The following ZPBP variants were observed in gnomAD, a reference collection of about 807,000 sequenced individuals.
The protein encoded by ZPBP is zona pellucida binding protein.
Under a neutral mutation model 44.8 loss-of-function variants are expected in ZPBP, and 26 were observed. The observed-to-expected ratio is 0.58, with a 90% CI of 0.43 to 0.81. The LOEUF (loss-of-function observed/expected upper bound fraction) is 0.81, where lower values mean the gene tolerates loss of function less well. Among genes scored for constraint, ZPBP ranks in the 30% least tolerant of loss-of-function variants. The pLI is 0.00. For missense variants in ZPBP, 409 were observed against 434.0 expected, an observed-to-expected ratio of 0.94 and a Z score of 0.51; for synonymous variants, 174 against 153.2, an observed-to-expected ratio of 1.14 and a Z score of -1.00.
At chr7:50,046,909 T>A (rs866621058) in intron 4 of ZPBP, among the ~76,000 whole-genome samples, 5 of 152,140 alleles carry the variant, frequency 3.3e-5, no homozygotes, top group Non-Finnish European at 5.9e-5. Flanking sequence ...TGACCATCAA[T>A]GATAGGCTAG....
intron 2 of ZPBP, among the ~76,000 whole-genome samples, chr7:49,863,959 T>C (rs962213065): frequency 6.6e-6 from 1 of 152,196 alleles, no homozygotes; most frequent in African/African-American, 2.4e-5. Context: ...AAAATATTTT[T>C]TCTTTATTTT....
intron 2 of ZPBP, among the ~76,000 whole-genome samples, chr7:50,087,337 C>T (rs990094763): frequency 6.6e-6 from 1 of 151,948 alleles, no homozygotes; most frequent in Non-Finnish European, 1.5e-5. Context: ...TGGAATTTAT[C>T]CCAGGAATGC....
intron 3 of ZPBP, among the ~76,000 whole-genome samples, chr7:50,069,691 G>A (rs1343376093): frequency 6.6e-6 from 1 of 151,952 alleles, no homozygotes; most frequent in African/African-American, 2.4e-5. Context: ...CAAAAGGGTT[G>A]GTTTTGATGC....
the ZPBP span, among the ~76,000 whole-genome samples, chr7:49,843,176 ACTT>A: frequency 6.6e-6 from 1 of 152,140 alleles, no homozygotes; most frequent in Non-Finnish European, 1.5e-5. Flanking sequence ...TTTTCTGTGA[ACTT>A]CTTGCTTACT....
At chr7:50,045,528 A>C (rs1800309745) in intron 4 of ZPBP, among the ~76,000 whole-genome samples, 2 of 152,228 alleles carry the variant, frequency 1.3e-5, no homozygotes, top group Non-Finnish European at 2.9e-5. Flanking sequence ...CCAAATCATG[A>C]GTAAAATCCC....
chr7:50,026,585 T>C (rs1799345846), intron 5 of ZPBP, among the ~76,000 whole-genome samples: 1 of 151,862 alleles, frequency 6.6e-6, no homozygotes, highest in South Asian at 2.1e-4. Context: ...TTCCATAATC[T>C]GAGAAACAAA....
intron 7 of ZPBP, among the ~76,000 whole-genome samples, chr7:49,978,356 TA>T (rs1274878083): frequency 1.3e-5 from 2 of 151,908 alleles, no homozygotes; most frequent in East Asian, 3.8e-4. Flanking sequence ...TAAGGAATGG[TA>T]AATGTCAAAT....
chr7:49,896,348 G>C (rs774237081), intron 2 of ZPBP, among the ~76,000 whole-genome samples: 2 of 152,036 alleles, frequency 1.3e-5, no homozygotes, highest in Non-Finnish European at 2.9e-5. Context: ...TTCAAAAAAA[G>C]GAAAGTATAA....
intron 4 of ZPBP, among the ~76,000 whole-genome samples, chr7:50,037,821 C>T (rs1011453261): frequency 2.0e-5 from 3 of 152,156 alleles, no homozygotes; most frequent in African/African-American, 7.2e-5. Flanking sequence ...CAGATTTCTA[C>T]AGCCTAACAC....
rs36066373 is a variant in ZPBP, at chr7:49,896,881, ATTTTT to A, written n.509+4232_509+4236del. Among the ~76,000 whole-genome samples the A allele has an allele frequency of 4.3e-4, 41 of 95,040 alleles. 1 individual carries two copies. In the South Asian group the frequency reaches 7.4e-3, roughly 17 times the overall value. The allele number at this position is 95,040 out of a possible 152,430, so 62.3% of individuals were successfully genotyped here. On this transcript the variant is annotated intron_variant and non_coding_transcript_variant, in intron 2 of 2. Transcript: ENST00000465922. ...AACTATTAAGAAAATTGGATTGATAATTTTTTTTTTTTTTTTTTTTTTTTTGAGAC... is the reference window on the plus strand; with the variant it reads ...AACTATTAAGAAAATTGGATTGATAATTTTTTTTTTTTTTTTTTTTGAGAC...
At chr7:50,001,315 A>T (rs1206238065) in intron 6 of ZPBP, among the ~76,000 whole-genome samples, 3 of 152,194 alleles carry the variant, frequency 2.0e-5, no homozygotes, top group East Asian at 3.8e-4. Context: ...GGTATTTGCT[A>T]TGACAGGAAC....
downstream of ZPBP, among the ~76,000 whole-genome samples, chr7:49,934,254 A>G (rs1794552804): frequency 1.3e-5 from 2 of 152,176 alleles, no homozygotes; most frequent in African/African-American, 4.8e-5. Flanking sequence ...TGACTGGCTA[A>G]AAAGAATCAT....
chr7:49,863,892 T>G (rs1790773016), intron 2 of ZPBP, among the ~76,000 whole-genome samples: 1 of 152,234 alleles, frequency 6.6e-6, no homozygotes. Flanking sequence ...TAAGCATTTA[T>G]AGCCATAAAT....
intron 7 of ZPBP, among the ~76,000 whole-genome samples, chr7:49,969,812 T>TAGAGAG (rs1262391235): frequency 1.8e-5 from 2 of 114,068 alleles, no homozygotes; most frequent in East Asian, 4.2e-4. Context: ...TGTATATATA[T>TAGAGAG]ATATATAGAG....
chr7:50,051,994 A>C (rs1800723481), intron 4 of ZPBP, among the ~76,000 whole-genome samples: 1 of 152,148 alleles, frequency 6.6e-6, no homozygotes, highest in African/African-American at 2.4e-5. Flanking sequence ...GAAACCTACA[A>C]AACTTTTCAG....
intron 7 of ZPBP, among the ~76,000 whole-genome samples, chr7:49,958,995 G>GT (rs1156555904): frequency 6.6e-6 from 1 of 152,076 alleles, no homozygotes; most frequent in Non-Finnish European, 1.5e-5. Context: ...GACCACATAG[G>GT]TTTTTATCCC....
intron 6 of ZPBP, among the ~76,000 whole-genome samples, chr7:49,990,512 A>G (rs1583994742): frequency 6.6e-6 from 1 of 152,154 alleles, no homozygotes; most frequent in South Asian, 2.1e-4. Context: ...ATGAGTAGCC[A>G]TTCATCTTCA....
chr7:50,037,849 C>T (rs1488422464), intron 4 of ZPBP, among the ~76,000 whole-genome samples: 2 of 152,142 alleles, frequency 1.3e-5, no homozygotes, highest in Non-Finnish European at 2.9e-5. Flanking sequence ...TTTCCCCACC[C>T]AGCTTTCAGT....
intron 7 of ZPBP, chr7:49,943,896 T>A: frequency 3.5e-6 from 1 of 283,710 alleles, no homozygotes; most frequent in South Asian, 3.9e-5. Flanking sequence ...AGTTACTGAC[T>A]CATGATCTTT....
Sources: allele counts gnomAD v4.1 joint callset (sites outside exome capture counted in the v4.1 genomes callset), GRCh38; gene constraint gnomAD v4.1.1; transcripts MANE v1.5; gene names NCBI Gene and HGNC (gene_info 2026-07-23, HGNC 2026-07-21).